HTRA3: variants seen among roughly 807,000 people sequenced by gnomAD.
The protein encoded by HTRA3 is HtrA serine peptidase 3.
In HTRA3, 41 loss-of-function variants were observed where a neutral mutation model predicts 43.2. That is an observed-to-expected ratio of 0.95 (90% CI 0.74 to 1.23). The LOEUF (loss-of-function observed/expected upper bound fraction) is 1.23, where lower values mean the gene tolerates loss of function less well. HTRA3 is among the 50% of genes most tolerant of loss of function. The probability of loss-of-function intolerance (pLI) is 0.00; values close to 1 mark genes in which losing one functional copy is unlikely to be tolerated. For synonymous variants in HTRA3, 295 were observed against 287.9 expected (o/e 1.02, Z -0.25); for missense variants, 628 against 647.1 (o/e 0.97, Z 0.32).
intron 6 of HTRA3, among the ~76,000 whole-genome samples, chr4:8,298,737 A>G (rs2153006932): frequency 6.6e-6 from 1 of 152,352 alleles, no homozygotes; most frequent in South Asian, 2.1e-4. Context: ...TTGGAAATTC[A>G]GTTGTTCTAG....
chr4:8,270,456 C>G (rs1560131745), intron 1 of HTRA3, 103 bp downstream of exon 1: 1 of 1,239,508 alleles, frequency 8.1e-7, no homozygotes, highest in Non-Finnish European at 1.0e-6. Flanking sequence ...CTGGGCACCA[C>G]CGGGTGGCCC....
chr4:8,299,841 C>CATTTTTTT (rs1553821600), intron 6 of HTRA3, among the ~76,000 whole-genome samples: 1 of 140,710 alleles, frequency 7.1e-6, no homozygotes, highest in African/African-American at 2.7e-5. Flanking sequence ...ATGTATTATC[C>CATTTTTTT]TTTTTTTTTT....
At chr4:8,291,254 C>T (rs1713225723) in intron 3 of HTRA3, 116 bp from the exon 4 acceptor site, 5 of 886,404 alleles carry the variant, frequency 5.6e-6, no homozygotes, top group Non-Finnish European at 9.2e-6. Context: ...GTCCTGGTGG[C>T]TTTGCACAGA....
At chr4:8,298,525 T>C (rs1330823609) in intron 6 of HTRA3, among the ~76,000 whole-genome samples, 2 of 152,156 alleles carry the variant, frequency 1.3e-5, no homozygotes, top group Non-Finnish European at 2.9e-5. Context: ...GTCTGTTTTT[T>C]TTTTTAATTT....
intron 8 of HTRA3, 57 bp downstream of exon 8, chr4:8,304,336 G>A: frequency 1.4e-6 from 2 of 1,421,924 alleles, no homozygotes; most frequent in Admixed American, 3.5e-5. Context: ...GGTCTGGGCT[G>A]GGGCTGCCCC....
chr4:8,302,322 G>A (rs1578808437), intron 6 of HTRA3, 141 bp from the exon 7 acceptor site: 2 of 748,986 alleles, frequency 2.7e-6, no homozygotes, highest in Admixed American at 1.9e-5. Flanking sequence ...GGACCGCAGG[G>A]GGACTGGGCC....
At position 8,286,753 on chromosome 4, in the gene HTRA3, G is replaced by A. The variant is rs190037284; in HGVS notation, c.678G>A (p.Ser226=). 1.5e-4 allele frequency: 242 copies of A among 1,614,030 alleles called. 1 individual carries two copies. In the East Asian group the frequency reaches 4.5e-3, roughly 30 times the overall value. Residue 226 remains serine (S), a synonymous_variant, in exon 3 of 9, where the codon TCG becomes TCA. Coordinates refer to ENST00000307358, the MANE Select transcript of HTRA3 (RefSeq NM_053044.5). This position sits in a 1 kb window ranked among gnomAD's most constrained non-coding sequence, Gnocchi z 4.9. ...EATIKDIDKK[S]DIATIKIHPK... ...CCATCAAAGACATCGACAAGAAGTCGGACATTGCCACCATCAAGATCCATC... is the reference window on the plus strand; with the variant it reads ...CCATCAAAGACATCGACAAGAAGTCAGACATTGCCACCATCAAGATCCATC...
At position 8,282,533 on chromosome 4, in the gene HTRA3, T is replaced by C. The variant is rs947184232; in HGVS notation, c.482T>C (p.Leu161Pro). ...GCCGTGGTCCACATAGAGCTCTTCC[T>C]GAGGTGGGTGAATACCCCTCGCCCC... ...APAVVHIELF[L>P]RHPLFGRNVP... Residue 161 changes from leucine to proline, a missense_variant, in exon 2 of 9, where the codon CTG becomes CCG. Leu to Pro is a moderately conservative substitution (Grantham distance 98, BLOSUM62 -3). Coordinates refer to ENST00000307358, the MANE Select transcript of HTRA3 (RefSeq NM_053044.5). 1.9e-6 allele frequency: 3 copies of C among 1,611,744 alleles called. No individual in the cohort carries two copies. Among genetic ancestry groups the C allele is most frequent in the Non-Finnish European group, 2.5e-6 (3 of 1,177,964 alleles).
intron 1 of HTRA3, among the ~76,000 whole-genome samples, chr4:8,276,097 C>G (rs1157565277): frequency 6.6e-6 from 1 of 152,220 alleles, no homozygotes; most frequent in Non-Finnish European, 1.5e-5. Context: ...CAGGTGACTC[C>G]CTGGAATTGT....
intron 6 of HTRA3, among the ~76,000 whole-genome samples, chr4:8,299,360 CACTT>C (rs1267819470): frequency 6.6e-6 from 1 of 152,196 alleles, no homozygotes; most frequent in Non-Finnish European, 1.5e-5. Context: ...CTTGATAACT[CACTT>C]ACTGCTTCTA....
chr4:8,299,699 T>C (rs1444994807), intron 6 of HTRA3, among the ~76,000 whole-genome samples: 2 of 152,210 alleles, frequency 1.3e-5, no homozygotes, highest in Non-Finnish European at 1.5e-5. Flanking sequence ...CAGAGGCTTT[T>C]TGTGCATCTC....
chr4:8,302,219 G>A (rs943446627), intron 6 of HTRA3, among the ~76,000 whole-genome samples: 4 of 152,176 alleles, frequency 2.6e-5, no homozygotes, highest in Non-Finnish European at 5.9e-5. Context: ...GATGCAGGAT[G>A]CGGTGGACAT....
intron 1 of HTRA3, among the ~76,000 whole-genome samples, chr4:8,277,074 T>C (rs1219434757): frequency 1.3e-5 from 2 of 152,154 alleles, no homozygotes; most frequent in Admixed American, 6.5e-5. Flanking sequence ...GCAGCCCTCA[T>C]CCCGCCTGCG....
intron 3 of HTRA3, among the ~76,000 whole-genome samples, chr4:8,290,332 A>G (rs1199735468): frequency 6.6e-6 from 1 of 152,258 alleles, no homozygotes; most frequent in African/African-American, 2.4e-5. Context: ...GGTGTATAAT[A>G]AAAGGGAAGA....
At position 8,295,645 on chromosome 4, in the gene HTRA3, G is replaced by T. The variant is rs1713427609; in HGVS notation, c.1051+1444G>T. 1.5e-6 allele frequency: 2 copies of T among 1,359,114 alleles called. No homozygotes were observed. The highest frequency in any genetic ancestry group is 1.9e-6 in the Non-Finnish European group (2 of 1,049,386). The allele number at this position is 1,359,114 out of a possible 1,614,324, so 84.2% of individuals were successfully genotyped here. A position where few individuals can be genotyped will look rare whatever the true frequency, so the allele number is the denominator to read the frequency against. ...TGCCCACCTCCTGGCCAACGCCCAGGCCTGACTCAGCAACTCACACTTCCA... is the reference window on the plus strand; with the variant it reads ...TGCCCACCTCCTGGCCAACGCCCAGTCCTGACTCAGCAACTCACACTTCCA... On this transcript the variant is annotated intron_variant, in intron 6 of 8. Coordinates refer to ENST00000307358, the MANE Select transcript of HTRA3 (RefSeq NM_053044.5). The surrounding 1 kb of genome is among the most constrained non-coding windows in gnomAD (Gnocchi z 6.9).
In HTRA3 at chr4:8,286,872, C is replaced by A; in HGVS notation, c.708+89C>A. On this transcript the variant is annotated intron_variant, in intron 3 of 8. Coordinates refer to ENST00000307358, the MANE Select transcript of HTRA3 (RefSeq NM_053044.5). This position sits in a 1 kb window ranked among gnomAD's most constrained non-coding sequence, Gnocchi z 4.9. ...CGCCGGAACCCAGAGGCAAGCTAGCCCCACCTTCCATCAGCCAGGGGGAGG... is the reference window on the plus strand; with the variant it reads ...CGCCGGAACCCAGAGGCAAGCTAGCACCACCTTCCATCAGCCAGGGGGAGG... 1 of 986,562 alleles carries A rather than the reference C, an allele frequency of 1.0e-6. No individual in the cohort carries two copies. Among genetic ancestry groups the A allele is most frequent in the Non-Finnish European group, 1.5e-6 (1 of 655,260 alleles). The allele number at this position is 986,562 out of a possible 1,614,324, so 61.1% of individuals were successfully genotyped here.
chr4:8,283,404 C>T (rs1402769848), intron 2 of HTRA3, among the ~76,000 whole-genome samples: 1 of 152,216 alleles, frequency 6.6e-6, no homozygotes, highest in Non-Finnish European at 1.5e-5. Flanking sequence ...TCTCCTACTT[C>T]CCCCATCACA....
intron 2 of HTRA3, 53 bp downstream of exon 2, chr4:8,282,589 C>A: frequency 2.2e-6 from 3 of 1,367,538 alleles, no homozygotes; most frequent in Non-Finnish European, 3.1e-6. Flanking sequence ...CTGGTACACC[C>A]GCCAGCTGCT....
At chr4:8,284,761 C>G (rs1348757675) in intron 2 of HTRA3, among the ~76,000 whole-genome samples, 2 of 152,180 alleles carry the variant, frequency 1.3e-5, no homozygotes, top group South Asian at 4.1e-4. Context: ...GGGGCAGACC[C>G]CTGCTTTGCC....
Sources: gnomAD v4.1 joint callset for allele counts (sites outside exome capture counted in the v4.1 genomes callset) on GRCh38, gnomAD v4.1.1 for gene constraint, Gnocchi (gnomAD v3.1) non-coding constraint, MANE v1.5 for transcripts, NCBI Gene and HGNC (gene_info 2026-07-23, HGNC 2026-07-21) for gene names.